Variants in XPNPEP2 observed in about 807,000 individuals in gnomAD.
XPNPEP2 encodes xaa-Pro aminopeptidase 2.
A neutral mutation model predicts 59.8 loss-of-function variants in XPNPEP2; 64 were observed. The ratio of observed to expected loss-of-function variants is 1.07; its 90% CI spans 0.87 to 1.32. XPNPEP2 has a LOEUF of 1.32. Among genes scored for constraint, XPNPEP2 ranks in the 40% most tolerant of loss-of-function variants. The probability of loss-of-function intolerance (pLI) is 0.00; values close to 1 mark genes in which losing one functional copy is unlikely to be tolerated. For synonymous variants in XPNPEP2, 235 were observed against 210.0 expected, an observed-to-expected ratio of 1.12 and a Z score of -1.03; for missense variants, 575 against 546.8, an observed-to-expected ratio of 1.05 and a Z score of -0.51.
In XPNPEP2 at chrX:129,768,562, C is replaced by A; in HGVS notation, c.*77C>A. 1 of 927,798 alleles carries A rather than the reference C, an allele frequency of 1.1e-6. No homozygotes were observed. The highest frequency in any genetic ancestry group is 1.4e-6 in the Non-Finnish European group (1 of 704,735). The allele number at this position is 927,798 out of a possible 1,213,427, so 76.5% of individuals were successfully genotyped here. A position where few individuals can be genotyped will look rare whatever the true frequency, so the allele number is the denominator to read the frequency against. On this transcript the variant is annotated 3_prime_UTR_variant, in exon 21 of 21. Transcript: ENST00000371106. ...TTAGCTCCCCTCACCCTGCACTGAA[C>A]ATACCCCAAGAGCCCCTGCTGGCCC...
chrX:129,742,380 C>T (rs953925220), intron 2 of XPNPEP2, among the ~76,000 whole-genome samples, 199 bp downstream of exon 2: 1 of 107,040 alleles, frequency 9.3e-6, no homozygotes, highest in East Asian at 3.0e-4. Context: ...CCCTCCACTC[C>T]CTCCCCTCCA....
At chrX:129,742,273 C>G (rs1344617365) in intron 2 of XPNPEP2, 92 bp downstream of exon 2, 6 of 478,050 alleles carry the variant, frequency 1.3e-5, no homozygotes, top group Non-Finnish European at 2.1e-5. Flanking sequence ...AGCACCCCCG[C>G]CCTGCTCTAT....
chrX:129,747,465 G>A (rs943856556), intron 6 of XPNPEP2, 142 bp from the exon 7 acceptor site: 44 of 797,380 alleles, frequency 5.5e-5, no homozygotes, highest in Non-Finnish European at 7.6e-5. Context: ...GGGGTGGGGG[G>A]TGGGCAGGCT....
chrX:129,745,608 A>T (rs773192970), intron 4 of XPNPEP2, among the ~76,000 whole-genome samples: 1 of 111,895 alleles, frequency 8.9e-6, no homozygotes, highest in South Asian at 3.7e-4. Context: ...GATTCCTTTC[A>T]CATGAGGGCT....
At chrX:129,755,500 T>C (rs1926502986) in intron 13 of XPNPEP2, 129 bp downstream of exon 13, 1 of 586,813 alleles carries the variant, frequency 1.7e-6, no homozygotes, top group Admixed American at 3.2e-5. Flanking sequence ...CCCCTAGCCC[T>C]GTGGGGGCTG....
chrX:129,742,477 A>T (rs1461829021), intron 2 of XPNPEP2, among the ~76,000 whole-genome samples: 4 of 104,191 alleles, frequency 3.8e-5, no homozygotes, highest in African/African-American at 1.4e-4. Flanking sequence ...CCCCTCTAGG[A>T]GGAGGGAGGA....
At chrX:129,743,464 A>G (rs1163359386) in intron 2 of XPNPEP2, among the ~76,000 whole-genome samples, 1 of 112,801 alleles carries the variant, frequency 8.9e-6, no homozygotes, top group African/African-American at 3.2e-5. Context: ...AACAAATAAG[A>G]ATTTAGTGCA....
chrX:129,743,489 T>A (rs1158149383), intron 2 of XPNPEP2, among the ~76,000 whole-genome samples: 1 of 112,805 alleles, frequency 8.9e-6, no homozygotes, highest in Admixed American at 9.3e-5. Flanking sequence ...TGCCCCAAAT[T>A]GTGCATGTTT....
chrX:129,747,553 T>A, intron 6 of XPNPEP2, 54 bp from the exon 7 acceptor site: 1 of 1,192,360 alleles, frequency 8.4e-7, no homozygotes, highest in Non-Finnish European at 1.1e-6. Flanking sequence ...AATCACAATT[T>A]TTTCCTGGGG....
chrX:129,742,140 C>T lies in XPNPEP2; in HGVS notation c.82C>T (p.Leu28Phe). The change falls in exon 2 of 21, where the codon CTT (leucine) becomes TTT (phenylalanine). Residue 28 changes from leucine (L) to phenylalanine (F), a missense_variant. Coordinates refer to ENST00000371106, the MANE Select transcript of XPNPEP2 (RefSeq NM_003399.6). ...CAWGHTKPVD[L>F]GGQDVRNCST... The stretch of plus-strand genomic sequence containing the variant: ...CTGGGGCCACACAAAGCCAGTGGAC[C>T]TTGGAGGGCAGGATGTGAGAAACTG... 1 of 1,210,642 alleles carries T rather than the reference C, an allele frequency of 8.3e-7. No individual in the cohort carries two copies. Among genetic ancestry groups the T allele is most frequent in the South Asian group, 1.8e-5 (1 of 56,887 alleles).
chrX:129,760,280 G>C (rs775774265), intron 15 of XPNPEP2, among the ~76,000 whole-genome samples: 1 of 112,764 alleles, frequency 8.9e-6, no homozygotes, highest in East Asian at 2.8e-4. Context: ...GATCCTCATA[G>C]ACCAGCCAGA....
chrX:129,750,383 G>T, intron 7 of XPNPEP2, 85 bp from the exon 8 acceptor site: 1 of 741,852 alleles, frequency 1.3e-6, no homozygotes, highest in Non-Finnish European at 2.0e-6. Flanking sequence ...ATGCAAAACT[G>T]TTACCCTAAG....
At chrX:129,761,324 C>T in intron 17 of XPNPEP2, 48 bp downstream of exon 17, 1 of 1,048,855 alleles carries the variant, frequency 9.5e-7, no homozygotes, top group Non-Finnish European at 1.3e-6. Context: ...TTTATTATAC[C>T]CTCTATGAAG....
chrX:129,739,481 T>C (rs916459285), intron 1 of XPNPEP2, among the ~76,000 whole-genome samples: 4 of 112,020 alleles, frequency 3.6e-5, no homozygotes, highest in African/African-American at 6.5e-5. Context: ...AAAAAAAATA[T>C]TCTGACACTC....
chrX:129,755,306 C>G lies in XPNPEP2; in HGVS notation c.1230C>G (p.Phe410Leu), dbSNP rs1281855962. The change falls in exon 13 of 21, where the codon TTC (phenylalanine) becomes TTG (leucine). Residue 410 changes from phenylalanine to leucine, a missense_variant. Coordinates refer to ENST00000371106, the MANE Select transcript of XPNPEP2 (RefSeq NM_003399.6). ...IVDKFRGEEQ[F>L]SSGPSFETIS... ...TTGTACTTTCCAGAGAAGAACAGTT[C>G]TCCTCCGGACCCAGTTTTGAAACCA... 8.3e-7 allele frequency: 1 copy of G among 1,210,093 alleles called. No individual in the cohort carries two copies. Among genetic ancestry groups the G allele is most frequent in the Non-Finnish European group, 1.1e-6 (1 of 895,088 alleles).
At chrX:129,740,058 C>T (rs1926144189) in intron 1 of XPNPEP2, among the ~76,000 whole-genome samples, 1 of 112,776 alleles carries the variant, frequency 8.9e-6, no homozygotes, top group Admixed American at 9.3e-5. Flanking sequence ...CATTCAGCTG[C>T]AGAGCCTGCT....
At position 129,754,581 on chromosome X, in the gene XPNPEP2, G is replaced by T; in HGVS notation, c.1217G>T (p.Gly406Val). ...SGAEIVDKFRGEEQFSSGPSF... is the reference protein window; with the variant it reads ...SGAEIVDKFRVEEQFSSGPSF... The stretch of plus-strand genomic sequence containing the variant: ...GCAGAGATCGTGGACAAGTTCCGAG[G>T]GTGAAGAGCCACGGCCGTCCTTTTT... Residue 406 changes from glycine to valine, a missense_variant and splice_region_variant, in exon 12 of 21, where the codon GGA becomes GTA. Gly to Val is a moderately radical substitution (Grantham distance 109). Transcript: ENST00000371106. 1 of 1,180,136 alleles carries T rather than the reference G, an allele frequency of 8.5e-7. No individual in the cohort carries two copies. The highest frequency in any genetic ancestry group is 1.1e-6 in the Non-Finnish European group (1 of 879,196).
At chrX:129,758,603 A>G (rs1421976454) in intron 14 of XPNPEP2, among the ~76,000 whole-genome samples, 1 of 111,433 alleles carries the variant, frequency 9.0e-6, no homozygotes, top group Non-Finnish European at 1.9e-5. Context: ...CTGTGTGGAG[A>G]GGCAGTGCTT....
intron 19 of XPNPEP2, among the ~76,000 whole-genome samples, chrX:129,765,402 C>T (rs1926730328): frequency 9.0e-6 from 1 of 111,106 alleles, no homozygotes; most frequent in Non-Finnish European, 1.9e-5. Flanking sequence ...TAGGGATTTC[C>T]AAGACAAAAA....
Sources: allele counts gnomAD v4.1 joint callset (sites outside exome capture counted in the v4.1 genomes callset), GRCh38; gene constraint gnomAD v4.1.1; transcripts MANE v1.5; gene names NCBI Gene and HGNC (gene_info 2026-07-23, HGNC 2026-07-21).